Variants in STAG1 observed in about 807,000 individuals in gnomAD.
The protein encoded by STAG1 is cohesin subunit SA-1.
STAG1 carries 26 observed loss-of-function variants against 170.9 expected under a neutral mutation model. That is an observed-to-expected ratio of 0.15 (90% CI 0.11 to 0.21). The LOEUF is 0.21. Among genes scored for constraint, STAG1 ranks in the 10% least tolerant of loss-of-function variants. The probability of loss-of-function intolerance (pLI) is 1.00; values close to 1 mark genes in which losing one functional copy is unlikely to be tolerated. For missense variants in STAG1, 964 were observed against 1,509.5 expected, an observed-to-expected ratio of 0.64 and a Z score of 5.99; for synonymous variants, 514 against 497.7, an observed-to-expected ratio of 1.03 and a Z score of -0.44.
At chr3:136,636,389 C>T (rs534964944) in intron 1 of STAG1, among the ~76,000 whole-genome samples, 4 of 152,184 alleles carry the variant, frequency 2.6e-5, no homozygotes, top group African/African-American at 4.8e-5. Context: ...ATTTGTGAAG[C>T]CACTTTTCAA....
chr3:136,382,602 G>C (rs1053257774), intron 22 of STAG1, among the ~76,000 whole-genome samples: 1 of 151,848 alleles, frequency 6.6e-6, no homozygotes, highest in African/African-American at 2.4e-5. Flanking sequence ...GTAGAGACAG[G>C]GTTTCGCCAT....
chr3:136,469,193 A>G (rs1220686673), intron 12 of STAG1, among the ~76,000 whole-genome samples: 1 of 152,198 alleles, frequency 6.6e-6, no homozygotes, highest in East Asian at 1.9e-4. Context: ...GAGGAAGTCA[A>G]ATTGTCCCTG....
chr3:136,700,697 G>A (rs1455230447), intron 1 of STAG1, among the ~76,000 whole-genome samples: 1 of 150,904 alleles, frequency 6.6e-6, no homozygotes, highest in Non-Finnish European at 1.5e-5. Flanking sequence ...TGGGATTACA[G>A]GCATAATAGA....
intron 6 of STAG1, among the ~76,000 whole-genome samples, chr3:136,528,724 T>C (rs939061511): frequency 6.6e-6 from 1 of 151,378 alleles, no homozygotes; most frequent in Non-Finnish European, 1.5e-5. Context: ...CTGAGGTGAG[T>C]GGATTCCTTG....
chr3:136,632,978 C>T (rs1395639116), intron 1 of STAG1, among the ~76,000 whole-genome samples: 1 of 151,706 alleles, frequency 6.6e-6, no homozygotes, highest in Non-Finnish European at 1.5e-5. Flanking sequence ...AGTGTCCACA[C>T]AGGACAATAA....
chr3:136,582,312 G>A (rs1266985280), intron 4 of STAG1, among the ~76,000 whole-genome samples: 1 of 152,118 alleles, frequency 6.6e-6, no homozygotes, highest in Non-Finnish European at 1.5e-5. Context: ...GCTAGAAGAG[G>A]CTCACCACAG....
Position 136,630,950 on chromosome 3 carries a change from T to C in STAG1, c.-52A>G. The C allele has an allele frequency of 6.7e-7, 1 of 1,496,138 alleles. No individual in the cohort carries two copies. Among genetic ancestry groups the C allele is most frequent in the East Asian group, 2.5e-5 (1 of 40,546 alleles). 92.7% of individuals were successfully genotyped at this position (1,496,138 alleles called of 1,614,324 possible). A position where few individuals can be genotyped will look rare whatever the true frequency, so the allele number is the denominator to read the frequency against. On this transcript the variant is annotated 5_prime_UTR_variant, in exon 2 of 34. Transcript: ENST00000383202. ...GCAAAATAATCAAGTGCTGTACAAC[T>C]CAAAACTTTTAAAATAACCTCAAAG...
At chr3:136,690,828 G>A (rs1337122232) in intron 1 of STAG1, among the ~76,000 whole-genome samples, 5 of 151,784 alleles carry the variant, frequency 3.3e-5, no homozygotes. Context: ...GTGGTTAAGG[G>A]AGATACCATG....
chr3:136,595,510 G>A (rs933937354), intron 4 of STAG1, among the ~76,000 whole-genome samples: 20 of 151,696 alleles, frequency 1.3e-4, no homozygotes, highest in Non-Finnish European at 2.2e-4. Flanking sequence ...TGGCTAACAC[G>A]GTAAAACCCT....
chr3:136,629,689 C>G (rs1553757268), intron 2 of STAG1, among the ~76,000 whole-genome samples: 1 of 152,016 alleles, frequency 6.6e-6, no homozygotes, highest in Admixed American at 6.6e-5. Flanking sequence ...GCCAAGAGAT[C>G]AATCAGAGGT....
chr3:136,622,898 C>A (rs758623933), intron 3 of STAG1, among the ~76,000 whole-genome samples: 1 of 152,192 alleles, frequency 6.6e-6, no homozygotes, highest in Non-Finnish European at 1.5e-5. Context: ...TGTTAGTGAC[C>A]TTCTCTATGC....
At chr3:136,691,815 C>T (rs564893435) in intron 1 of STAG1, among the ~76,000 whole-genome samples, 1 of 152,298 alleles carries the variant, frequency 6.6e-6, no homozygotes, top group South Asian at 2.1e-4. Flanking sequence ...GGAAGAGGAA[C>T]TAAGTAGATC....
intron 9 of STAG1, among the ~76,000 whole-genome samples, chr3:136,484,113 T>C (rs1181686063): frequency 7.1e-6 from 1 of 140,852 alleles, no homozygotes; most frequent in Non-Finnish European, 1.5e-5. Context: ...TTTGTTCCGT[T>C]GCTGGTGAGG....
intron 21 of STAG1, among the ~76,000 whole-genome samples, chr3:136,415,816 G>C (rs1301310553): frequency 6.6e-6 from 1 of 151,946 alleles, no homozygotes; most frequent in Non-Finnish European, 1.5e-5. Context: ...AGCGAGACTC[G>C]GTCTCAAACA....
At chr3:136,410,068 T>TACAAAA (rs2087582946) in intron 21 of STAG1, among the ~76,000 whole-genome samples, 3 of 93,082 alleles carry the variant, frequency 3.2e-5, no homozygotes, top group Non-Finnish European at 6.2e-5. Context: ...AGTCCTTGTC[T>TACAAAA]AAAAAAAAAA....
chr3:136,419,623 GTTT>G (rs11320131), intron 20 of STAG1, among the ~76,000 whole-genome samples: 10 of 136,492 alleles, frequency 7.3e-5, no homozygotes, highest in Non-Finnish European at 6.3e-5. Flanking sequence ...TTTTGTGTGT[GTTT>G]TTTTTTTTTT....
intron 1 of STAG1, among the ~76,000 whole-genome samples, chr3:136,683,290 G>A (rs553623680): frequency 4.9e-4 from 74 of 150,862 alleles, no homozygotes; most frequent in Non-Finnish European, 3.1e-4. Flanking sequence ...TTGAGATGGA[G>A]TCTGGCTCTG....
intron 9 of STAG1, among the ~76,000 whole-genome samples, chr3:136,494,468 T>C (rs73226190): frequency 0.34 from 52,401 of 152,026 alleles, 11,335 homozygotes; most frequent in East Asian, 0.81. Context: ...TAGTTCCCAG[T>C]GTATTCTATA....
chr3:136,352,290 T>G (rs999443957), intron 28 of STAG1, among the ~76,000 whole-genome samples: 4 of 152,124 alleles, frequency 2.6e-5, no homozygotes. Context: ...GCCTCCCGAG[T>G]AGCTGGGACT....
Sources: gnomAD v4.1 joint callset for allele counts (sites outside exome capture counted in the v4.1 genomes callset) on GRCh38, gnomAD v4.1.1 for gene constraint, MANE v1.5 for transcripts, NCBI Gene and HGNC (gene_info 2026-07-23, HGNC 2026-07-21) for gene names.